The following TFDP2 variants were observed in gnomAD, a reference collection of about 807,000 sequenced individuals.
The protein encoded by TFDP2 is transcription factor Dp-2 (E2F dimerization partner 2).
In TFDP2, 17 loss-of-function variants were observed where a neutral mutation model predicts 59.3. The ratio of observed to expected loss-of-function variants is 0.29; its 90% CI spans 0.20 to 0.43. The LOEUF (loss-of-function observed/expected upper bound fraction) is 0.43. Ranked by LOEUF, TFDP2 falls within the 20% of genes least tolerant of loss-of-function variation. The pLI, the probability that TFDP2 is intolerant of heterozygous loss-of-function variation, is 1.00. For synonymous variants in TFDP2, 180 were observed against 194.7 expected (o/e 0.92, Z 0.63); for missense variants, 391 against 528.8 (o/e 0.74, Z 2.56).
chr3:142,129,172 C>T (rs146675120), intron 1 of TFDP2, among the ~76,000 whole-genome samples: 1 of 151,836 alleles, frequency 6.6e-6, no homozygotes, highest in African/African-American at 2.4e-5. Flanking sequence ...TTTACACATT[C>T]TCAGTGCAAG....
intron 3 of TFDP2, among the ~76,000 whole-genome samples, chr3:142,060,308 T>A (rs1454454341): frequency 6.6e-6 from 1 of 152,182 alleles, no homozygotes; most frequent in Admixed American, 6.5e-5. Context: ...GTGCCCAGCA[T>A]AACAGTAACT....
intron 1 of TFDP2, among the ~76,000 whole-genome samples, chr3:142,146,535 C>A (rs1171268726): frequency 6.6e-6 from 1 of 152,140 alleles, no homozygotes; most frequent in Admixed American, 6.5e-5. Flanking sequence ...GATCTAAACA[C>A]AGGAAGGTTA....
rs1559885224 is a variant in TFDP2, at chr3:141,945,349, GA to G, written c.*7163del. On this transcript the variant is annotated 3_prime_UTR_variant, in exon 13 of 13. Coordinates refer to ENST00000489671, the MANE Select transcript of TFDP2 (RefSeq NM_001178139.2). ...TCTCCATGTTGGTCAGGCTGGTTTC[GA>G]ACTCCCGACCTCAGGTGATCCGCCC... 6.6e-6 allele frequency: 1 copy of G among 152,264 alleles called. No homozygotes were observed. The highest frequency in any genetic ancestry group is 2.4e-5 in the African/African-American group (1 of 41,450). The allele number at this position is 152,264 out of a possible 1,614,324, so 9.4% of individuals were successfully genotyped here.
chr3:142,026,257 A>G (rs1946082776), intron 3 of TFDP2, among the ~76,000 whole-genome samples: 1 of 152,122 alleles, frequency 6.6e-6, no homozygotes, highest in Non-Finnish European at 1.5e-5. Flanking sequence ...GGGGAGGCTG[A>G]GGCAGGTGAA....
chr3:142,053,054 T>C (rs1365184710), intron 3 of TFDP2, among the ~76,000 whole-genome samples: 1 of 152,162 alleles, frequency 6.6e-6, no homozygotes, highest in Admixed American at 6.5e-5. Context: ...GTGATCCACT[T>C]GCCTCAGCCT....
intron 3 of TFDP2, among the ~76,000 whole-genome samples, chr3:142,045,771 C>A (rs1028967998): frequency 1.3e-5 from 2 of 151,690 alleles, no homozygotes; most frequent in Admixed American, 1.3e-4. Flanking sequence ...TGCCACCATG[C>A]CTGGCTAATT....
At chr3:142,091,256 A>G (rs1010392693) in intron 3 of TFDP2, among the ~76,000 whole-genome samples, 2 of 152,172 alleles carry the variant, frequency 1.3e-5, no homozygotes, top group Non-Finnish European at 2.9e-5. Flanking sequence ...AGGAGCATTG[A>G]GGCTTAAAGT....
intron 1 of TFDP2, among the ~76,000 whole-genome samples, chr3:142,105,331 A>C (rs2061437236): frequency 6.6e-6 from 1 of 152,170 alleles, no homozygotes; most frequent in Non-Finnish European, 1.5e-5. Flanking sequence ...CCCAACTACA[A>C]ATACTACATC....
chr3:141,978,328 G>C (rs1397548381), intron 7 of TFDP2, among the ~76,000 whole-genome samples, 192 bp downstream of exon 7: 1 of 147,766 alleles, frequency 6.8e-6, no homozygotes, highest in Non-Finnish European at 1.5e-5. Context: ...CTGGGCGACA[G>C]AGTGAGGTTC....
chr3:142,103,678 T>C (rs759488167), intron 1 of TFDP2, among the ~76,000 whole-genome samples: 14 of 151,662 alleles, frequency 9.2e-5, no homozygotes, highest in Non-Finnish European at 1.3e-4. Context: ...CATCTGGGAG[T>C]TCTTTGACCT....
At chr3:142,012,761 T>A (rs1015887588) in intron 3 of TFDP2, among the ~76,000 whole-genome samples, 1 of 152,142 alleles carries the variant, frequency 6.6e-6, no homozygotes, top group Non-Finnish European at 1.5e-5. Flanking sequence ...CACTGATGAG[T>A]AGCATGGAGG....
chr3:142,026,339 A>G (rs970520669), intron 3 of TFDP2, among the ~76,000 whole-genome samples: 5 of 151,746 alleles, frequency 3.3e-5, no homozygotes, highest in Admixed American at 1.3e-4. Flanking sequence ...ACAAAAAAAA[A>G]CAACAAAAAA....
chr3:141,970,045 G>A, intron 9 of TFDP2, 28 bp downstream of exon 9: 2 of 1,601,550 alleles, frequency 1.2e-6, no homozygotes, highest in Non-Finnish European at 1.7e-6. Context: ...AAACAGGGAA[G>A]GTAATGAAAA....
intron 3 of TFDP2, among the ~76,000 whole-genome samples, chr3:142,053,813 T>TA (rs1328686688): frequency 6.6e-6 from 1 of 151,994 alleles, no homozygotes; most frequent in Non-Finnish European, 1.5e-5. Context: ...AACAACTCAA[T>TA]AAAAAATCTG....
At chr3:141,957,189 G>A (rs1658509148) in intron 11 of TFDP2, among the ~76,000 whole-genome samples, 1 of 151,584 alleles carries the variant, frequency 6.6e-6, no homozygotes, top group African/African-American at 2.4e-5. Flanking sequence ...TAGCGGCAAG[G>A]TGCCTGTAAT....
Position 142,149,180 on chromosome 3 carries a change from T to C in TFDP2, c.-93+3A>G, listed in dbSNP as rs1203763095. ...GGGCCCGCGCCCTCGCCCCAGACCT[T>C]ACCGCCTTCGGCTGCAGAAGAACTG... On this transcript the variant is annotated splice_donor_region_variant and intron_variant, in intron 1 of 12. Coordinates refer to ENST00000489671, the MANE Select transcript of TFDP2 (RefSeq NM_001178139.2). The C allele has an allele frequency of 2.5e-6, 1 of 396,988 alleles. No individual in the cohort carries two copies. Among genetic ancestry groups the C allele is most frequent in the African/African-American group, 2.1e-5 (1 of 48,478 alleles). The allele number at this position is 396,988 out of a possible 1,614,324, so 24.6% of individuals were successfully genotyped here.
In TFDP2 at chr3:141,973,125, T is replaced by TATATATATATATATATATA. The variant is rs1559951924; in HGVS notation, c.663+922_663+923insTATATATATATATATATAT. 5.7e-5 allele frequency among the ~76,000 whole-genome samples: 4 copies of TATATATATATATATATATA among 69,962 alleles called. No individual in the cohort carries two copies. The South Asian group carries it at 1.4e-3, about 25-fold the overall frequency. 45.9% of individuals were successfully genotyped at this position (69,962 alleles called of 152,430 possible). A position where few individuals can be genotyped will look rare whatever the true frequency, so the allele number is the denominator to read the frequency against. ...TATATATATATATATATATATATAT[T>TATATATATATATATATATA]TTTTTTTTTTAAAGATGGAGTCTTG... On this transcript the variant is annotated intron_variant, in intron 8 of 12. Coordinates refer to ENST00000489671, the MANE Select transcript of TFDP2 (RefSeq NM_001178139.2).
chr3:142,127,627 T>C (rs965340245), intron 1 of TFDP2, among the ~76,000 whole-genome samples: 7 of 152,098 alleles, frequency 4.6e-5, no homozygotes, highest in African/African-American at 2.4e-5. Flanking sequence ...TGAGCCACTG[T>C]ACCCGGTCAG....
intron 3 of TFDP2, among the ~76,000 whole-genome samples, chr3:142,053,520 T>G (rs1947751594): frequency 6.6e-6 from 1 of 152,170 alleles, no homozygotes; most frequent in Non-Finnish European, 1.5e-5. Context: ...ACTTCTTTTC[T>G]TTATAAATTA....
Sources: gnomAD v4.1 joint callset for allele counts (sites outside exome capture counted in the v4.1 genomes callset) on GRCh38, gnomAD v4.1.1 for gene constraint, MANE v1.5 for transcripts, NCBI Gene and HGNC (gene_info 2026-07-23, HGNC 2026-07-21) for gene names.